VIP: variants seen among roughly 807,000 people sequenced by gnomAD.
VIP encodes the protein VIP peptides.
Under a neutral mutation model 20.1 loss-of-function variants are expected in VIP, and 18 were observed. The observed-to-expected ratio is 0.90, with a 90% CI of 0.62 to 1.33. The LOEUF is 1.33. Ranked by LOEUF, VIP falls within the 40% of genes most tolerant of loss-of-function variation. The probability of loss-of-function intolerance (pLI) is 0.00; values close to 1 mark genes in which losing one functional copy is unlikely to be tolerated. For synonymous variants in VIP, 70 were observed against 68.1 expected (o/e 1.03, Z -0.14); for missense variants, 209 against 199.4 (o/e 1.05, Z -0.29).
Position 152,755,331 on chromosome 6 carries a change from C to T in VIP, c.293C>T (p.Ser98Phe). Residue 98 changes from serine (S) to phenylalanine (F), a missense_variant, in exon 4 of 7, where the codon TCT becomes TTT. Coordinates refer to ENST00000367244, the MANE Select transcript of VIP (RefSeq NM_003381.4). ...SDFSKLLGQL[S>F]AKKYLESLMG... ...TTCAGTAAACTCTTGGGTCAACTTT[C>T]TGCCAAAAAGTACCTTGAGTCTCTT... 6.3e-7 allele frequency: 1 copy of T among 1,594,476 alleles called. No homozygotes were observed. Among genetic ancestry groups the T allele is most frequent in the Non-Finnish European group, 8.5e-7 (1 of 1,170,270 alleles).
At position 152,750,949 on chromosome 6, in the gene VIP, G is replaced by A. The variant is rs962749883; in HGVS notation, c.-21G>A. The stretch of plus-strand genomic sequence containing the variant: ...AGAACAGTCAGCTCCGGGGGAGCAC[G>A]ACTGGGCGAGGTAAGTGAAAACTTT... On this transcript the variant is annotated 5_prime_UTR_variant, in exon 1 of 7. Coordinates refer to ENST00000367244, the MANE Select transcript of VIP (RefSeq NM_003381.4). 2 of 152,168 alleles carry A rather than the reference G, an allele frequency of 1.3e-5. No individual in the cohort carries two copies. The highest frequency in any genetic ancestry group is 1.3e-4 in the Admixed American group (2 of 15,272). The allele number at this position is 152,168 out of a possible 1,614,324, so 9.4% of individuals were successfully genotyped here.
chr6:152,754,691 T>G (rs1380058621), intron 3 of VIP, among the ~76,000 whole-genome samples: 1 of 151,992 alleles, frequency 6.6e-6, no homozygotes, highest in Non-Finnish European at 1.5e-5. Flanking sequence ...TCATTTCAAG[T>G]ACAGACCAAG....
At position 152,755,390 on chromosome 6, in the gene VIP, A is replaced by G. The variant is rs2099730273; in HGVS notation, c.335+17A>G. The G allele has an allele frequency of 1.4e-5, 19 of 1,381,994 alleles. No individual in the cohort carries two copies. Among genetic ancestry groups the G allele is most frequent in the Non-Finnish European group, 1.9e-5 (19 of 1,016,162 alleles). 85.6% of individuals were successfully genotyped at this position (1,381,994 alleles called of 1,614,324 possible). A position where few individuals can be genotyped will look rare whatever the true frequency, so the allele number is the denominator to read the frequency against. ...ACGTGTTAGGTAAAGAGAATTTATT[A>G]TTTTTATAAAATATGTTATCATTAT... On this transcript the variant is annotated intron_variant, in intron 4 of 6. Transcript: ENST00000367244.
chr6:152,758,355 A>C (rs78206567), intron 6 of VIP, among the ~76,000 whole-genome samples: 1 of 151,928 alleles, frequency 6.6e-6, no homozygotes, highest in Admixed American at 6.6e-5. Context: ...CTCTAAGAGA[A>C]AGCAGAGGCA....
chr6:152,752,117 T>C, intron 1 of VIP, 51 bp from the exon 2 acceptor site: 1 of 1,360,878 alleles, frequency 7.3e-7, no homozygotes, highest in Non-Finnish European at 1.0e-6. Flanking sequence ...CAGAATTACC[T>C]TGCTGGTGAC....
intron 5 of VIP, 55 bp downstream of exon 5, chr6:152,756,320 G>A (rs2099730421): frequency 1.3e-6 from 2 of 1,564,114 alleles, no homozygotes; most frequent in Admixed American, 1.8e-5. Flanking sequence ...TTTCAAAATA[G>A]AAGCTGCACA....
chr6:152,758,875 T>A (rs1414907751), intron 6 of VIP, 35 bp from the exon 7 acceptor site: 1 of 152,118 alleles, frequency 6.6e-6, no homozygotes, highest in Non-Finnish European at 1.5e-5. Flanking sequence ...ATAAAATATA[T>A]TTTATGCCTA....
chr6:152,757,658 C>T (rs73783322), intron 6 of VIP, among the ~76,000 whole-genome samples: 2 of 151,924 alleles, frequency 1.3e-5, no homozygotes, highest in Non-Finnish European at 2.9e-5. Context: ...TCAAGGCATT[C>T]TGGGTCTAAC....
At position 152,754,507 on chromosome 6, in the gene VIP, C is replaced by T. The variant is rs2224508; in HGVS notation, c.230+219C>T. Among the ~76,000 whole-genome samples the T allele has an allele frequency of 8.8e-3, 1,345 of 152,102 alleles. 25 individuals carry two copies. The highest frequency in any genetic ancestry group is 0.031 in the African/African-American group (1,292 of 41,546). ...GTTGTAACAAGCCAGGATGAACACA[C>T]CATTCACTTCCATTCTGTTGCACAT... is the stretch of plus-strand genomic sequence containing the variant. On this transcript the variant is annotated intron_variant, in intron 3 of 6. Coordinates refer to ENST00000367244, the MANE Select transcript of VIP (RefSeq NM_003381.4).
intron 2 of VIP, 64 bp downstream of exon 2, chr6:152,752,348 A>G: frequency 7.1e-7 from 1 of 1,404,556 alleles, no homozygotes; most frequent in Non-Finnish European, 9.9e-7. Context: ...AATTTCCTAT[A>G]CATTTTGTTG....
intron 3 of VIP, 34 bp from the exon 4 acceptor site, chr6:152,755,235 A>C: frequency 7.0e-7 from 1 of 1,422,456 alleles, no homozygotes; most frequent in East Asian, 2.4e-5. Flanking sequence ...AGCCATTTAC[A>C]AAATAATAGC....
Position 152,757,125 on chromosome 6 carries a change from A to G in VIP, c.497A>G (p.Glu166Gly), listed in dbSNP as rs2099730541. Reference sequence around the variant, plus strand: ...GAGGGAGAATCTCCCGACTTTCCAGAAGAGTTAGAAAAATGATGAAAAAGA... The same window carrying G: ...GAGGGAGAATCTCCCGACTTTCCAGGAGAGTTAGAAAAATGATGAAAAAGA... ...SSEGESPDFP[E>G]ELEK Residue 166 changes from glutamate to glycine, a missense_variant, in exon 6 of 7, where the codon GAA (glutamate) becomes GGA (glycine). Coordinates refer to ENST00000367244, the MANE Select transcript of VIP (RefSeq NM_003381.4). The G allele has an allele frequency of 3.7e-6, 6 of 1,611,850 alleles. No homozygotes were observed. The highest frequency in any genetic ancestry group is 5.1e-6 in the Non-Finnish European group (6 of 1,178,686).
intron 4 of VIP, among the ~76,000 whole-genome samples, chr6:152,755,820 T>TTA (rs1010215005): frequency 6.9e-6 from 1 of 145,680 alleles, no homozygotes; most frequent in African/African-American, 2.5e-5. Context: ...ATGTTTTTTT[T>TTA]AAAAAAAAAA....
rs968772504 is a variant in VIP at position 152,754,152 on chromosome 6, A to T, written c.108-14A>T. On this transcript the variant is annotated splice_polypyrimidine_tract_variant and intron_variant, in intron 2 of 6. Coordinates refer to ENST00000367244, the MANE Select transcript of VIP (RefSeq NM_003381.4). The stretch of plus-strand genomic sequence containing the variant: ...AAAAAGAATGTATTATTCTCGTGTA[A>T]CTTTCCCCATCAGGTTGGGTGACAG... The T allele has an allele frequency of 1.2e-6, 2 of 1,606,734 alleles. No homozygotes were observed. The highest frequency in any genetic ancestry group is 2.7e-5 in the African/African-American group (2 of 74,564).
At chr6:152,758,216 G>T (rs1256434619) in intron 6 of VIP, among the ~76,000 whole-genome samples, 1 of 151,866 alleles carries the variant, frequency 6.6e-6, no homozygotes, top group African/African-American at 2.4e-5. Flanking sequence ...CAAACTAAAG[G>T]CAATTCATGG....
At chr6:152,758,378 A>AC (rs1415936578) in intron 6 of VIP, among the ~76,000 whole-genome samples, 17 of 152,126 alleles carry the variant, frequency 1.1e-4, no homozygotes, top group Non-Finnish European at 4.4e-5. Context: ...AGTGTGGCCC[A>AC]CATCAACTCT....
At chr6:152,755,531 T>C (rs2099730300) in intron 4 of VIP, among the ~76,000 whole-genome samples, 158 bp downstream of exon 4, 1 of 151,984 alleles carries the variant, frequency 6.6e-6, no homozygotes, top group South Asian at 2.1e-4. Flanking sequence ...TTCAATAACA[T>C]CTATCAAGCC....
intron 4 of VIP, among the ~76,000 whole-genome samples, chr6:152,755,812 GT>G (rs113416868): frequency 0.014 from 2,119 of 148,472 alleles, 35 homozygotes; most frequent in African/African-American, 0.039. Context: ...AAGTAATTAT[GT>G]TTTTTTTAAA....
Position 152,752,151 on chromosome 6 carries a change from T to C in VIP, c.-10-17T>C. Reference sequence around the variant, plus strand: ...ACATCTTTGGCTGGAAGAACTGAGGTGATTCTCTCTCTTTAGAGGCACAGA... The same window carrying C: ...ACATCTTTGGCTGGAAGAACTGAGGCGATTCTCTCTCTTTAGAGGCACAGA... On this transcript the variant is annotated splice_polypyrimidine_tract_variant and intron_variant, in intron 1 of 6. Transcript: ENST00000367244. 6.3e-7 allele frequency: 1 copy of C among 1,588,550 alleles called. No homozygotes were observed. The highest frequency in any genetic ancestry group is 8.6e-7 in the Non-Finnish European group (1 of 1,157,728).
Sources: gnomAD v4.1 joint callset for allele counts (sites outside exome capture counted in the v4.1 genomes callset) on GRCh38, gnomAD v4.1.1 for gene constraint, MANE v1.5 for transcripts, NCBI Gene and HGNC (gene_info 2026-07-23, HGNC 2026-07-21) for gene names.